Variants in ABRAXAS2 observed in about 807,000 individuals in gnomAD.
ABRAXAS2 encodes BRISC complex subunit Abraxas 2.
ABRAXAS2 carries 23 observed loss-of-function variants against 49.0 expected under a neutral mutation model. The ratio of observed to expected loss-of-function variants is 0.47; its 90% confidence interval spans 0.34 to 0.66. ABRAXAS2 has a LOEUF of 0.66. Ranked by LOEUF, ABRAXAS2 falls within the 30% of genes least tolerant of loss-of-function variation. The probability of loss-of-function intolerance (pLI) is 0.01; values close to 1 mark genes in which losing one functional copy is unlikely to be tolerated. For synonymous variants in ABRAXAS2, 168 were observed against 180.2 expected, an observed-to-expected ratio of 0.93 and a Z score of 0.54; for missense variants, 443 against 511.9, an observed-to-expected ratio of 0.87 and a Z score of 1.30.
intron 2 of ABRAXAS2, among the ~76,000 whole-genome samples, chr10:124,813,976 A>G (rs1950807305): frequency 6.6e-6 from 1 of 152,082 alleles, no homozygotes. Context: ...TTATGATGGT[A>G]TACTTTATCA....
At chr10:124,815,416 G>C (rs1470968951) in intron 2 of ABRAXAS2, among the ~76,000 whole-genome samples, 1 of 151,434 alleles carries the variant, frequency 6.6e-6, no homozygotes. Flanking sequence ...GGATGGTCTC[G>C]ATCTCCTGAC....
rs1589813497 is a variant in ABRAXAS2 at position 124,836,478 on chromosome 10, T to C, written c.*1507T>C. ...CACTTTATCTGCAAATGTGTTCCAG[T>C]TGTTATCAGCTACCTACTACGCAGC... On this transcript the variant is annotated 3_prime_UTR_variant, in exon 9 of 9. Coordinates refer to ENST00000298492, the MANE Select transcript of ABRAXAS2 (RefSeq NM_032182.4). 6.6e-6 allele frequency: 1 copy of C among 152,502 alleles called. No homozygotes were observed. The highest frequency in any genetic ancestry group is 2.1e-4 in the South Asian group (1 of 4,830). 9.4% of individuals were successfully genotyped at this position (152,502 alleles called of 1,614,324 possible).
chr10:124,833,017 G>A (rs1372966911), intron 8 of ABRAXAS2, among the ~76,000 whole-genome samples: 4 of 150,990 alleles, frequency 2.6e-5, no homozygotes, highest in African/African-American at 9.7e-5. Flanking sequence ...GTGGTGGCAG[G>A]CACCTGTAAT....
intron 4 of ABRAXAS2, 57 bp from the exon 5 acceptor site, chr10:124,826,538 A>G (rs1950896920): frequency 4.6e-6 from 7 of 1,533,450 alleles, no homozygotes; most frequent in Non-Finnish European, 6.3e-6. Context: ...GTTTGTATGG[A>G]TACATTCAGA....
intron 1 of ABRAXAS2, among the ~76,000 whole-genome samples, chr10:124,806,316 GA>G (rs576496313): frequency 2.6e-3 from 357 of 135,876 alleles, no homozygotes; most frequent in African/African-American, 8.4e-3. Flanking sequence ...AAAAAAAAAA[GA>G]AAAAAAAAAA....
At position 124,806,847 on chromosome 10, in the gene ABRAXAS2, G is replaced by T; in HGVS notation, c.89G>T (p.Gly30Val). ...SNADHEGFLL[G>V]EVRQEETFSI... The stretch of plus-strand genomic sequence containing the variant: ...TACTTTTAGGAAGGATTTTTACTGG[G>T]AGAGGTAAGACAAGAGGAAACGTTT... Residue 30 changes from glycine (G) to valine (V), a missense_variant, in exon 2 of 9, where the codon GGA becomes GTA. By Grantham distance (109) the Gly-to-Val change is moderately radical (BLOSUM62 -3). This residue lies in a region of ABRAXAS2 where 166 missense variants were observed against 247.3 expected (regional missense o/e 0.67). Transcript: ENST00000298492. The T allele has an allele frequency of 6.2e-7, 1 of 1,602,632 alleles. No individual in the cohort carries two copies. Among genetic ancestry groups the T allele is most frequent in the South Asian group, 1.1e-5 (1 of 88,426 alleles).
chr10:124,817,832 T>G (rs1206759746), intron 3 of ABRAXAS2, among the ~76,000 whole-genome samples: 1 of 152,164 alleles, frequency 6.6e-6, no homozygotes, highest in African/African-American at 2.4e-5. Context: ...CATCAGTTGC[T>G]GAGAACCTCG....
At position 124,834,727 on chromosome 10, in the gene ABRAXAS2, A is replaced by C. The variant is rs373282824; in HGVS notation, c.1004A>C (p.Gln335Pro). The change falls in exon 9 of 9, where the codon CAA becomes CCA. Residue 335 changes from glutamine to proline, a missense_variant. Around this residue, in one of 3 missense-constraint regions of ABRAXAS2, gnomAD observed 230 missense variants for 237.0 expected, o/e 0.97. Coordinates refer to ENST00000298492, the MANE Select transcript of ABRAXAS2 (RefSeq NM_032182.4). ...AGGAGTGTCTTTATGCCTCGACCTC[A>C]AGCTGTGGGCTCTTCCAATTATGCT... The part of the protein sequence containing the change: ...MERSVFMPRP[Q>P]AVGSSNYAST... The C allele has an allele frequency of 6.2e-6, 10 of 1,614,086 alleles. No homozygotes were observed. The highest frequency in any genetic ancestry group is 7.6e-6 in the Non-Finnish European group (9 of 1,180,014).
At chr10:124,833,656 G>A (rs1699744238) in intron 8 of ABRAXAS2, among the ~76,000 whole-genome samples, 1 of 152,184 alleles carries the variant, frequency 6.6e-6, no homozygotes, top group African/African-American at 2.4e-5. Context: ...GAAAGCCTGT[G>A]CCCTTTTCAT....
chr10:124,807,411 G>T (rs955589615), intron 2 of ABRAXAS2, among the ~76,000 whole-genome samples: 1 of 151,412 alleles, frequency 6.6e-6, no homozygotes, highest in Non-Finnish European at 1.5e-5. Context: ...CCAGCACTTT[G>T]GGAGGCTGAG....
intron 2 of ABRAXAS2, among the ~76,000 whole-genome samples, chr10:124,811,667 G>T (rs567875730): frequency 5.9e-5 from 9 of 151,998 alleles, no homozygotes; most frequent in African/African-American, 1.7e-4. Context: ...GAACCTGGGA[G>T]GCGGAGCTTG....
intron 2 of ABRAXAS2, among the ~76,000 whole-genome samples, chr10:124,807,319 A>G (rs1173663620): frequency 4.0e-5 from 6 of 148,324 alleles, no homozygotes; most frequent in Non-Finnish European, 8.9e-5. Flanking sequence ...TCTCAAAAAA[A>G]AAAAAAAAAA....
At chr10:124,816,470 T>C in intron 2 of ABRAXAS2, 106 bp from the exon 3 acceptor site, 1 of 749,586 alleles carries the variant, frequency 1.3e-6, no homozygotes, top group South Asian at 1.7e-5. Context: ...GGAAAAGCTG[T>C]CTTTGTTGTC....
chr10:124,816,071 T>A lies in ABRAXAS2; in HGVS notation c.164-505T>A, dbSNP rs545776058. 1.2e-4 allele frequency among the ~76,000 whole-genome samples: 18 copies of A among 151,924 alleles called. No homozygotes were observed. In the East Asian group the frequency reaches 3.3e-3, roughly 28 times the overall value. On this transcript the variant is annotated intron_variant, in intron 2 of 8. Transcript: ENST00000298492. ...GCGCCCGCCACCACGCCCAGCTAAT[T>A]TTTGTATTTTTAGTAGAGACGGGGT...
chr10:124,833,393 A>G (rs1950947894), intron 8 of ABRAXAS2, among the ~76,000 whole-genome samples: 1 of 151,878 alleles, frequency 6.6e-6, no homozygotes, highest in East Asian at 1.9e-4. Context: ...TGAGCCTGAC[A>G]GGTCAAGGCT....
Position 124,831,431 on chromosome 10 carries a change from C to A in ABRAXAS2, c.746C>A (p.Thr249Asn). 6.2e-7 allele frequency: 1 copy of A among 1,605,524 alleles called. No homozygotes were observed. The highest frequency in any genetic ancestry group is 8.5e-7 in the Non-Finnish European group (1 of 1,173,314). Reference protein sequence around the residue: ...AEVNKLRRQITQRKNEKEQER... With the variant: ...AEVNKLRRQINQRKNEKEQER... ...GTGAACAAATTAAGAAGACAAATCA[C>A]TCAGAGGAAAAATGAAAAGGAACAA... is the stretch of plus-strand genomic sequence containing the variant. Residue 249 changes from threonine to asparagine, a missense_variant, in exon 8 of 9, where the codon ACT becomes AAT. Coordinates refer to ENST00000298492, the MANE Select transcript of ABRAXAS2 (RefSeq NM_032182.4).
chr10:124,819,384 T>C lies in ABRAXAS2; in HGVS notation c.201T>C (p.Ser67=). The change falls in exon 4 of 9, where the codon AGT becomes AGC. Residue 67 remains serine (S), a splice_region_variant and synonymous_variant. Transcript: ENST00000298492. The part of the protein sequence containing the change: ...HNHQPCSKLF[S]FYDYASKVNE... ...TACAAGATTTTTTTCTCTTAAACAGTTTTTATGACTACGCAAGCAAAGTGA... is the reference window on the plus strand; with the variant it reads ...TACAAGATTTTTTTCTCTTAAACAGCTTTTATGACTACGCAAGCAAAGTGA... 1.9e-6 allele frequency: 3 copies of C among 1,613,674 alleles called. No individual in the cohort carries two copies. The highest frequency in any genetic ancestry group is 1.7e-6 in the Non-Finnish European group (2 of 1,179,686).
intron 5 of ABRAXAS2, among the ~76,000 whole-genome samples, 168 bp from the exon 6 acceptor site, chr10:124,828,588 G>C (rs1950911505): frequency 6.6e-6 from 1 of 151,888 alleles, no homozygotes; most frequent in South Asian, 2.1e-4. Flanking sequence ...GGCTGGCGTT[G>C]GTCTCGAACT....
At chr10:124,824,450 A>G (rs1210852715) in intron 4 of ABRAXAS2, among the ~76,000 whole-genome samples, 1 of 149,956 alleles carries the variant, frequency 6.7e-6, no homozygotes, top group East Asian at 2.0e-4. Flanking sequence ...AATTGCTTGA[A>G]CCTAGGAGGT....
Sources: allele counts gnomAD v4.1 joint callset (sites outside exome capture counted in the v4.1 genomes callset), GRCh38; gene constraint gnomAD v4.1.1; regional missense constraint gnomAD v4.1.1; transcripts MANE v1.5; gene names NCBI Gene and HGNC (gene_info 2026-07-23, HGNC 2026-07-21).